PPP1R13B: variants seen among roughly 807,000 people sequenced by gnomAD.
PPP1R13B encodes the protein apoptosis-stimulating of p53 protein 1.
PPP1R13B carries 44 observed loss-of-function variants against 119.8 expected under a neutral mutation model. The observed-to-expected ratio is 0.37, with a 90% confidence interval of 0.29 to 0.47. The LOEUF (loss-of-function observed/expected upper bound fraction) is 0.47, where lower values mean the gene tolerates loss of function less well. Among genes scored for constraint, PPP1R13B ranks in the 20% least tolerant of loss-of-function variants. The pLI is 0.99. For synonymous variants in PPP1R13B, 542 were observed against 561.5 expected (o/e 0.97, Z 0.49); for missense variants, 1,227 against 1,413.5 (o/e 0.87, Z 2.12).
chr14:103,839,113 A>G (rs976352586), intron 1 of PPP1R13B, among the ~76,000 whole-genome samples: 2 of 152,118 alleles, frequency 1.3e-5, no homozygotes, highest in Non-Finnish European at 2.9e-5. Flanking sequence ...CCCAGGTTCA[A>G]GCGATTCTCC....
chr14:103,752,862 T>C (rs2084585330), intron 7 of PPP1R13B, 138 bp downstream of exon 7: 1 of 971,844 alleles, frequency 1.0e-6, no homozygotes, highest in African/African-American at 1.7e-5. Flanking sequence ...AATTATTTTG[T>C]ACTGAATATA....
rs1388280155 is a variant in PPP1R13B at position 103,739,879 on chromosome 14, T to C, written c.2537A>G (p.Glu846Gly). 1.9e-6 allele frequency: 3 copies of C among 1,613,796 alleles called. No individual in the cohort carries two copies. The South Asian group carries it at 3.3e-5, about 18-fold the overall frequency. ...GGGAAGAGGTGCTGGAGGGACCTGCTCTTCCCCTGGAGATGGGGCCTCAGC... is the reference window on the plus strand; with the variant it reads ...GGGAAGAGGTGCTGGAGGGACCTGCCCTTCCCCTGGAGATGGGGCCTCAGC... ...PVAEAPSPGE[E>G]QVPPAPLPPA... Residue 846 changes from glutamate (E) to glycine (G), a missense_variant, in exon 12 of 17, where the codon GAG becomes GGG. Physicochemically the swap from Glu to Gly is moderately conservative, Grantham distance 98 (BLOSUM62 -2). Transcript: ENST00000202556.
At chr14:103,750,999 C>T (rs1341679466) in intron 7 of PPP1R13B, among the ~76,000 whole-genome samples, 1 of 151,784 alleles carries the variant, frequency 6.6e-6, no homozygotes, top group Non-Finnish European at 1.5e-5. Context: ...AATAAAAATA[C>T]AAAAATTAGC....
In PPP1R13B at chr14:103,735,015, T is replaced by C; in HGVS notation, c.*139A>G. On this transcript the variant is annotated 3_prime_UTR_variant, in exon 17 of 17. Transcript: ENST00000202556. ...AGGGCCTCACCTGGAAACTGTAGGA[T>C]TCACATTGTGGACGCTGTCTGCTAA... The C allele has an allele frequency of 1.0e-6, 1 of 953,926 alleles. No homozygotes were observed. The highest frequency in any genetic ancestry group is 1.4e-5 in the South Asian group (1 of 72,464). The allele number at this position is 953,926 out of a possible 1,614,324, so 59.1% of individuals were successfully genotyped here. A position where few individuals can be genotyped will look rare whatever the true frequency, so the allele number is the denominator to read the frequency against.
At chr14:103,793,158 G>C (rs946787328) in intron 2 of PPP1R13B, among the ~76,000 whole-genome samples, 4 of 148,790 alleles carry the variant, frequency 2.7e-5, no homozygotes, top group Non-Finnish European at 6.0e-5. Context: ...AGGAGGGGAA[G>C]GGAAGAGAAG....
At chr14:103,793,701 A>C (rs1877256173) in intron 2 of PPP1R13B, among the ~76,000 whole-genome samples, 1 of 152,218 alleles carries the variant, frequency 6.6e-6, no homozygotes, top group Non-Finnish European at 1.5e-5. Context: ...TAAGGTTAAA[A>C]AACCTCAAGT....
chr14:103,835,226 G>A (rs1057096695), intron 1 of PPP1R13B, among the ~76,000 whole-genome samples: 1 of 151,784 alleles, frequency 6.6e-6, no homozygotes, highest in Non-Finnish European at 1.5e-5. Flanking sequence ...AGGCTCAAGC[G>A]ATCCTCCTAC....
At chr14:103,834,013 G>A (rs2086717462) in intron 1 of PPP1R13B, among the ~76,000 whole-genome samples, 1 of 152,184 alleles carries the variant, frequency 6.6e-6, no homozygotes, top group East Asian at 1.9e-4. Flanking sequence ...TACTGCAGTG[G>A]GAAAAGAAAA....
intron 1 of PPP1R13B, among the ~76,000 whole-genome samples, chr14:103,802,241 G>A (rs752254750): frequency 2.0e-5 from 3 of 152,026 alleles, no homozygotes; most frequent in South Asian, 4.2e-4. Context: ...CCCGGGAGGC[G>A]GAGCTTGCAG....
chr14:103,784,652 G>T, intron 3 of PPP1R13B, 143 bp downstream of exon 3: 5 of 414,970 alleles, frequency 1.2e-5, no homozygotes, highest in Non-Finnish European at 7.1e-6. Flanking sequence ...AGAAGCCAAA[G>T]TAACATGGGA....
upstream of PPP1R13B, chr14:103,847,578 GGCCC>G (rs577422042): frequency 2.0e-6 from 2 of 984,590 alleles, no homozygotes; most frequent in Middle Eastern, 5.3e-4. Context: ...GACAGCCTGC[GGCCC>G]GCCCGCCCGG....
chr14:103,771,472 CTTCT>C (rs1431469394), intron 4 of PPP1R13B, among the ~76,000 whole-genome samples: 6 of 136,908 alleles, frequency 4.4e-5, no homozygotes, highest in Non-Finnish European at 7.7e-5. Flanking sequence ...AGAACTAACA[CTTCT>C]TTTTTTTTTT....
At chr14:103,781,943 C>T (rs1341492155) in intron 3 of PPP1R13B, among the ~76,000 whole-genome samples, 2 of 152,132 alleles carry the variant, frequency 1.3e-5, no homozygotes, top group Non-Finnish European at 2.9e-5. Context: ...TGAGCCACCG[C>T]GCCCGGCCAA....
Position 103,846,248 on chromosome 14 carries a change from G to A in PPP1R13B, c.9+1051C>T, listed in dbSNP as rs115024941. ...CTGAAAGCCGGCTACAAAACATGCT[G>A]GAATCCGTTAAAAACGGGGAGAAGA... On this transcript the variant is annotated intron_variant, in intron 1 of 16. Transcript: ENST00000202556. Among the ~76,000 whole-genome samples the A allele has an allele frequency of 5.7e-3, 861 of 152,290 alleles. 8 individuals carry two copies. The highest frequency in any genetic ancestry group is 0.02 in the African/African-American group (819 of 41,562).
At chr14:103,844,213 G>A (rs897665171) in intron 1 of PPP1R13B, among the ~76,000 whole-genome samples, 2 of 151,782 alleles carry the variant, frequency 1.3e-5, no homozygotes, top group Non-Finnish European at 2.9e-5. Context: ...GTCGCCGTAA[G>A]CTGAGATCGT....
chr14:103,786,729 C>T (rs1309068319), intron 2 of PPP1R13B, among the ~76,000 whole-genome samples: 2 of 131,626 alleles, frequency 1.5e-5, no homozygotes, highest in Non-Finnish European at 1.5e-5. Flanking sequence ...CGCACCATTA[C>T]ACTGCAGCCT....
intron 4 of PPP1R13B, among the ~76,000 whole-genome samples, chr14:103,767,841 C>T (rs1330776251): frequency 6.6e-6 from 1 of 152,132 alleles, no homozygotes; most frequent in Non-Finnish European, 1.5e-5. Flanking sequence ...GGAAGTATTG[C>T]CCAACATCAA....
chr14:103,831,692 T>C lies in PPP1R13B; in HGVS notation c.9+15607A>G, dbSNP rs1186723486. Reference sequence around the variant, plus strand: ...GGCTCACGCCTATAATCCCAGCACTTTGGGAGGCCAAGGTGGGTGGATCAC... The same window carrying C: ...GGCTCACGCCTATAATCCCAGCACTCTGGGAGGCCAAGGTGGGTGGATCAC... On this transcript the variant is annotated intron_variant, in intron 1 of 16. Coordinates refer to ENST00000202556, the MANE Select transcript of PPP1R13B (RefSeq NM_015316.3). 1.3e-4 allele frequency among the ~76,000 whole-genome samples: 20 copies of C among 151,690 alleles called. 2 individuals are homozygous for C. Among genetic ancestry groups the C allele is most frequent in the Admixed American group, 7.9e-4 (12 of 15,256 alleles).
chr14:103,800,743 C>T (rs1490851981), intron 1 of PPP1R13B, among the ~76,000 whole-genome samples: 1 of 152,120 alleles, frequency 6.6e-6, no homozygotes, highest in Non-Finnish European at 1.5e-5. Flanking sequence ...AGCATCTTTA[C>T]ATCTATGGTC....
Sources: allele counts gnomAD v4.1 joint callset (sites outside exome capture counted in the v4.1 genomes callset), GRCh38; gene constraint gnomAD v4.1.1; transcripts MANE v1.5; gene names NCBI Gene and HGNC (gene_info 2026-07-23, HGNC 2026-07-21).